Variants in TCF20 observed in about 807,000 individuals in gnomAD.
TCF20 encodes the protein SPRE-binding protein.
TCF20 carries 3 observed loss-of-function variants against 148.6 expected under a neutral mutation model. The ratio of observed to expected loss-of-function variants is 0.02; its 90% CI spans 0.01 to 0.05. The LOEUF (loss-of-function observed/expected upper bound fraction) is 0.05. TCF20 is among the 10% of genes least tolerant of loss of function. The pLI, the probability that TCF20 is intolerant of heterozygous loss-of-function variation, is 1.00. For missense variants in TCF20, 2,350 were observed against 2,429.3 expected, an observed-to-expected ratio of 0.97 and a Z score of 0.69; for synonymous variants, 1,049 against 909.5, an observed-to-expected ratio of 1.15 and a Z score of -2.76.
chr22:42,338,991 A>G lies in TCF20; in HGVS notation c.-37+4488T>C, dbSNP rs1296425749. ...GACAGGGTTGTTCCAGAAGGCATCC[A>G]GCCCTTTAAAGCCCTCCCACGAGCA... On this transcript the variant is annotated intron_variant, in intron 1 of 1. Coordinates refer to the TCF20 transcript ENST00000515426. This position sits in a 1 kb window ranked among gnomAD's most constrained non-coding sequence, Gnocchi z 4.0. 6.6e-6 allele frequency among the ~76,000 whole-genome samples: 1 copy of G among 152,164 alleles called. No individual in the cohort carries two copies. Among genetic ancestry groups the G allele is most frequent in the African/African-American group, 2.4e-5 (1 of 41,436 alleles).
intron 1 of TCF20, among the ~76,000 whole-genome samples, chr22:42,220,091 C>A (rs1345257383): frequency 2.0e-5 from 3 of 152,166 alleles, no homozygotes; most frequent in African/African-American, 7.2e-5. Context: ...GGGCTGATGA[C>A]CTTGCCCTCT....
chr22:42,230,859 T>TA (rs978675137), intron 1 of TCF20, among the ~76,000 whole-genome samples: 1 of 152,026 alleles, frequency 6.6e-6, no homozygotes, highest in African/African-American at 2.4e-5. Context: ...AAATAAAAAA[T>TA]AAAAAATATT....
chr22:42,338,498 G>A lies in TCF20; in HGVS notation c.-37+4981C>T, dbSNP rs1236980932. On this transcript the variant is annotated intron_variant, in intron 1 of 1. Transcript: ENST00000515426. This position sits in a 1 kb window ranked among gnomAD's most constrained non-coding sequence, Gnocchi z 4.0. ...CTGCAGGGGCCACTCGGCCAATCCC[G>A]AAGAGCTCGCTCAGGGGCTGCGAGT... Among the ~76,000 whole-genome samples the A allele has an allele frequency of 6.6e-6, 1 of 152,224 alleles. No homozygotes were observed. The highest frequency in any genetic ancestry group is 2.4e-5 in the African/African-American group (1 of 41,462).
At chr22:42,313,629 T>G (rs1927576646) in intron 1 of TCF20, among the ~76,000 whole-genome samples, 1 of 140,318 alleles carries the variant, frequency 7.1e-6, no homozygotes, top group African/African-American at 2.8e-5. Flanking sequence ...AGACAGAGTC[T>G]CGCTTTGTCG....
At position 42,210,203 on chromosome 22, in the gene TCF20, C is replaced by T. The variant is rs1168202149; in HGVS notation, c.5103G>A (p.Gly1701=). Residue 1701 remains glycine, a synonymous_variant, in exon 2 of 6, where the codon GGG becomes GGA. Transcript: ENST00000677622. This position sits in a 1 kb window ranked among gnomAD's most constrained non-coding sequence, Gnocchi z 4.7. ...TGCCACACAGACAGCAAACCAGGTGCCCCATAACCGAAGACTCTGTCACAA... is the reference window on the plus strand; with the variant it reads ...TGCCACACAGACAGCAAACCAGGTGTCCCATAACCGAAGACTCTGTCACAA... The part of the protein sequence containing the change: ...GPVVTESSVM[G]HLVCCLCGKW... The T allele has an allele frequency of 6.2e-7, 1 of 1,614,112 alleles. No individual in the cohort carries two copies. Among genetic ancestry groups the T allele is most frequent in the South Asian group, 1.1e-5 (1 of 91,068 alleles).
chr22:42,225,881 C>G (rs1347810337), intron 1 of TCF20, among the ~76,000 whole-genome samples: 3 of 152,124 alleles, frequency 2.0e-5, no homozygotes, highest in Non-Finnish European at 4.4e-5. Flanking sequence ...GGGTCACTAG[C>G]TCAAAATTAT....
chr22:42,322,443 C>G (rs529959940), intron 1 of TCF20, among the ~76,000 whole-genome samples: 3 of 151,752 alleles, frequency 2.0e-5, no homozygotes, highest in South Asian at 4.2e-4. Context: ...GGCCCTTCCT[C>G]GAGATCACAC....
At chr22:42,306,397 TG>T (rs1282819477) in intron 1 of TCF20, among the ~76,000 whole-genome samples, 1 of 152,036 alleles carries the variant, frequency 6.6e-6, no homozygotes, top group African/African-American at 2.4e-5. Context: ...GCAATGTGGG[TG>T]GGGGGTGCTG....
chr22:42,174,298 T>C (rs1322064835), intron 3 of TCF20, among the ~76,000 whole-genome samples: 1 of 152,092 alleles, frequency 6.6e-6, no homozygotes, highest in African/African-American at 2.4e-5. Context: ...CATTGGAGAG[T>C]GCTGAGCTAG....
intron 1 of TCF20, 102 bp from the exon 2 acceptor site, chr22:42,215,443 T>C (rs1921664632): frequency 2.2e-6 from 3 of 1,391,576 alleles, no homozygotes; most frequent in Non-Finnish European, 2.8e-6. Context: ...GAGGCCCAGA[T>C]GAAGCTGACT....
intron 1 of TCF20, among the ~76,000 whole-genome samples, chr22:42,265,727 T>C (rs1168163547): frequency 6.6e-6 from 1 of 152,154 alleles, no homozygotes; most frequent in East Asian, 1.9e-4. Flanking sequence ...AGAACTGTCT[T>C]TGGTAAATAT....
chr22:42,280,096 G>C (rs1397796665), intron 1 of TCF20, among the ~76,000 whole-genome samples: 1 of 152,218 alleles, frequency 6.6e-6, no homozygotes, highest in African/African-American at 2.4e-5. Flanking sequence ...CAGAATGGGA[G>C]GGAAGAAAGC....
intron 2 of TCF20, among the ~76,000 whole-genome samples, chr22:42,187,699 G>GT (rs1259475394): frequency 6.6e-6 from 1 of 152,166 alleles, no homozygotes; most frequent in African/African-American, 2.4e-5. Context: ...AAGTTATGAT[G>GT]TTTTCCATCA....
chr22:42,198,988 T>C (rs937823353), intron 2 of TCF20, among the ~76,000 whole-genome samples: 1 of 152,148 alleles, frequency 6.6e-6, no homozygotes, highest in African/African-American at 2.4e-5. Flanking sequence ...TCCAATCTGC[T>C]GTTGATTGAA....
chr22:42,193,288 CTTT>C (rs540026059), intron 2 of TCF20, among the ~76,000 whole-genome samples: 5 of 141,934 alleles, frequency 3.5e-5, no homozygotes, highest in Admixed American at 1.4e-4. Flanking sequence ...TCCACCTACA[CTTT>C]TTTTTTTTTT....
chr22:42,198,358 T>C (rs1276601302), intron 2 of TCF20, among the ~76,000 whole-genome samples: 1 of 152,206 alleles, frequency 6.6e-6, no homozygotes, highest in Non-Finnish European at 1.5e-5. Context: ...TCACGTATAG[T>C]GCTTAGAAAG....
chr22:42,242,515 A>G (rs144648950), intron 1 of TCF20, among the ~76,000 whole-genome samples: 170 of 152,300 alleles, frequency 1.1e-3, no homozygotes, highest in African/African-American at 4.0e-3. Context: ...GGTATACTAT[A>G]TAGACGAACT....
chr22:42,226,918 C>G (rs1391177056), intron 1 of TCF20, among the ~76,000 whole-genome samples: 1 of 152,102 alleles, frequency 6.6e-6, no homozygotes, highest in Non-Finnish European at 1.5e-5. Context: ...ATTGTAAAGA[C>G]GTTAAGTCTC....
intron 1 of TCF20, among the ~76,000 whole-genome samples, chr22:42,253,816 G>T (rs2038676392): frequency 6.6e-6 from 1 of 152,176 alleles, no homozygotes; most frequent in Non-Finnish European, 1.5e-5. Flanking sequence ...GGTGGCTCAT[G>T]CCTGTAATCC....
Sources: allele counts gnomAD v4.1 joint callset (sites outside exome capture counted in the v4.1 genomes callset), GRCh38; gene constraint gnomAD v4.1.1; non-coding constraint Gnocchi (gnomAD v3.1); transcripts MANE v1.5; gene names NCBI Gene and HGNC (gene_info 2026-07-23, HGNC 2026-07-21).